Variants in RAD51C observed in about 807,000 individuals in gnomAD.
RAD51C encodes the protein DNA repair protein RAD51 homolog 3.
RAD51C carries 42 observed loss-of-function variants against 45.0 expected under a neutral mutation model. That is an observed-to-expected ratio of 0.93 (90% CI 0.73 to 1.21). The LOEUF is 1.21. Among genes scored for constraint, RAD51C ranks in the 50% most tolerant of loss-of-function variants. The pLI is 0.00. For synonymous variants in RAD51C, 172 were observed against 159.8 expected, an observed-to-expected ratio of 1.08 and a Z score of -0.58; for missense variants, 474 against 452.2, an observed-to-expected ratio of 1.05 and a Z score of -0.44.
chr17:58,708,826 C>T (rs1008470498), intron 4 of RAD51C, among the ~76,000 whole-genome samples: 4 of 151,800 alleles, frequency 2.6e-5, no homozygotes, highest in Admixed American at 6.6e-5. Context: ...CTTCGGCCTC[C>T]CAAAGTGCTG....
chr17:58,717,463 G>C (rs985314019), intron 5 of RAD51C, among the ~76,000 whole-genome samples: 4 of 151,924 alleles, frequency 2.6e-5, no homozygotes, highest in Admixed American at 2.6e-4. Flanking sequence ...TGCCGGCCGG[G>C]TGTGGTGGCT....
Position 58,703,271 on chromosome 17 carries a change from A to T in RAD51C, c.647A>T (p.Tyr216Phe), listed in dbSNP as rs746755735. The T allele has an allele frequency of 6.2e-6, 10 of 1,609,420 alleles. No individual in the cohort carries two copies. Reference protein sequence around the residue: ...SHIYYFRCRDYTELLAQVYLL... With the variant: ...SHIYYFRCRDFTELLAQVYLL... ...ATTTATTATTTTCGCTGTCGTGACTACACAGAGTTACTGGCACAAGTTTAT... is the reference window on the plus strand; with the variant it reads ...ATTTATTATTTTCGCTGTCGTGACTTCACAGAGTTACTGGCACAAGTTTAT... Residue 216 changes from tyrosine (Y) to phenylalanine (F), a missense_variant, in exon 4 of 9, where the codon TAC (tyrosine) becomes TTC (phenylalanine). By Grantham distance (22) the Tyr-to-Phe change is conservative (BLOSUM62 3). Transcript: ENST00000337432.
chr17:58,729,229 G>GT (rs2144017986), intron 7 of RAD51C, among the ~76,000 whole-genome samples: 1 of 152,128 alleles, frequency 6.6e-6, no homozygotes, highest in Admixed American at 6.5e-5. Context: ...GTTTGGTTTT[G>GT]TTTTTGAGAT....
At chr17:58,702,014 A>G (rs1336448266) in intron 3 of RAD51C, among the ~76,000 whole-genome samples, 2 of 137,550 alleles carry the variant, frequency 1.5e-5, no homozygotes, top group Admixed American at 7.3e-5. Context: ...TTTTTTTTTG[A>G]GACAGAGTTT....
intron 5 of RAD51C, among the ~76,000 whole-genome samples, chr17:58,719,822 G>A (rs1048629840): frequency 4.7e-5 from 7 of 148,590 alleles, no homozygotes; most frequent in Non-Finnish European, 7.4e-5. Context: ...TCTGCTCCCC[G>A]GGTTCACGCC....
intron 3 of RAD51C, 96 bp from the exon 4 acceptor site, chr17:58,703,100 A>G: frequency 7.3e-7 from 1 of 1,362,980 alleles, no homozygotes; most frequent in East Asian, 2.3e-5. Flanking sequence ...TTTGTTATCC[A>G]AAGGAGAACA....
At chr17:58,717,224 T>C (rs1174463171) in intron 5 of RAD51C, among the ~76,000 whole-genome samples, 1 of 151,724 alleles carries the variant, frequency 6.6e-6, no homozygotes, top group African/African-American at 2.4e-5. Context: ...CTGGGCAACA[T>C]AGCAAAACCC....
chr17:58,726,657 T>C (rs1324589166), intron 7 of RAD51C, among the ~76,000 whole-genome samples: 13 of 151,258 alleles, frequency 8.6e-5, no homozygotes, highest in Non-Finnish European at 1.8e-4. Context: ...TACGTATAGA[T>C]GTATATACAT....
At chr17:58,705,893 C>G (rs2048364465) in intron 4 of RAD51C, 1 of 139,666 alleles carries the variant, frequency 7.2e-6, no homozygotes, top group African/African-American at 2.6e-5. Flanking sequence ...AACGTCTTAA[C>G]CGGTTCCATC....
At chr17:58,706,739 T>G (rs73996261) in intron 4 of RAD51C, 325 of 215,366 alleles carry the variant, frequency 1.5e-3, no homozygotes, top group African/African-American at 7.2e-3. Context: ...TCCAACAGCC[T>G]TCGTTCATTC....
At chr17:58,732,765 T>C in intron 8 of RAD51C, 2 of 532,390 alleles carry the variant, frequency 3.8e-6, no homozygotes, top group South Asian at 4.5e-5. Context: ...AATACTTATT[T>C]TGGGGTAGTG....
chr17:58,700,432 T>C (rs1284900613), intron 3 of RAD51C, among the ~76,000 whole-genome samples: 4 of 152,114 alleles, frequency 2.6e-5, no homozygotes, highest in Admixed American at 2.0e-4. Context: ...AAGTTTTTAT[T>C]TTTATTTTAA....
intron 7 of RAD51C, among the ~76,000 whole-genome samples, chr17:58,726,412 T>G (rs977128056): frequency 1.4e-5 from 2 of 138,874 alleles, no homozygotes; most frequent in Non-Finnish European, 3.1e-5. Flanking sequence ...TGTATATATA[T>G]AGATTATATG....
At chr17:58,724,134 T>C in intron 7 of RAD51C, 34 bp downstream of exon 7, 2 of 1,561,984 alleles carry the variant, frequency 1.3e-6, no homozygotes, top group South Asian at 2.2e-5. Flanking sequence ...ACTCCGAATA[T>C]TGGGTTAATT....
rs375576332 is a variant in RAD51C, at chr17:58,727,037, G to A, written c.965+2937G>A. Among the ~76,000 whole-genome samples, 15 of 151,634 alleles carry A rather than the reference G, an allele frequency of 9.9e-5. No individual in the cohort carries two copies. In the East Asian group the frequency reaches 2.9e-3, roughly 29 times the overall value. On this transcript the variant is annotated intron_variant, in intron 7 of 8. Coordinates refer to ENST00000337432, the MANE Select transcript of RAD51C (RefSeq NM_058216.3). ...GGGTTTCACCGTGTTAGCCAGGATG[G>A]TCTCGATCTTCTGACCTCGTGATCC...
chr17:58,700,504 G>A (rs546479486), intron 3 of RAD51C, among the ~76,000 whole-genome samples: 5 of 151,490 alleles, frequency 3.3e-5, no homozygotes, highest in Non-Finnish European at 5.9e-5. Context: ...GTGCAGTGGC[G>A]CGATCTGGGC....
intron 5 of RAD51C, among the ~76,000 whole-genome samples, chr17:58,711,225 G>C (rs898523427): frequency 1.3e-5 from 2 of 152,018 alleles, no homozygotes; most frequent in Non-Finnish European, 1.5e-5. Context: ...CACCTTTTCC[G>C]ACTAAAAAAG....
At chr17:58,694,362 A>G (rs936358168) in intron 1 of RAD51C, 3 of 155,436 alleles carry the variant, frequency 1.9e-5, no homozygotes, top group Non-Finnish European at 4.3e-5. Flanking sequence ...GTACATTTTT[A>G]TTTCTGCTTC....
chr17:58,713,831 T>G (rs1284612268), intron 5 of RAD51C, among the ~76,000 whole-genome samples: 1 of 151,700 alleles, frequency 6.6e-6, no homozygotes, highest in East Asian at 1.9e-4. Flanking sequence ...TAAATAAGTT[T>G]TTTGTAGAGA....
Sources: allele counts gnomAD v4.1 joint callset (sites outside exome capture counted in the v4.1 genomes callset), GRCh38; gene constraint gnomAD v4.1.1; transcripts MANE v1.5; gene names NCBI Gene and HGNC (gene_info 2026-07-23, HGNC 2026-07-21).